The following WDFY2 variants were observed in gnomAD, a reference collection of about 807,000 sequenced individuals.
WDFY2 encodes the protein WD repeat and FYVE domain containing 2, also known as WD repeat and FYVE domain-containing protein 2.
A neutral mutation model predicts 56.4 loss-of-function variants in WDFY2; 36 were observed. That is an observed-to-expected ratio of 0.64 (90% CI 0.49 to 0.84). The LOEUF (loss-of-function observed/expected upper bound fraction) is 0.84. Among genes scored for constraint, WDFY2 ranks in the 40% least tolerant of loss-of-function variants. The pLI is 0.00. For synonymous variants in WDFY2, 176 were observed against 183.7 expected, an observed-to-expected ratio of 0.96 and a Z score of 0.34; for missense variants, 444 against 512.2, an observed-to-expected ratio of 0.87 and a Z score of 1.29.
intron 7 of WDFY2, among the ~76,000 whole-genome samples, chr13:51,748,787 A>G (rs1021198227): frequency 4.6e-5 from 7 of 152,214 alleles, no homozygotes; most frequent in Non-Finnish European, 2.9e-5. Context: ...CAAGCCATCA[A>G]AACTGAGGGA....
At chr13:51,647,509 C>T (rs562479274) in intron 1 of WDFY2, among the ~76,000 whole-genome samples, 3 of 152,296 alleles carry the variant, frequency 2.0e-5, no homozygotes, top group Admixed American at 1.3e-4. Flanking sequence ...AATCCCAGCT[C>T]TTTGGGAGGC....
At chr13:51,738,689 G>A (rs556472364) in intron 6 of WDFY2, among the ~76,000 whole-genome samples, 1 of 152,304 alleles carries the variant, frequency 6.6e-6, no homozygotes, top group East Asian at 1.9e-4. Context: ...ATTGTCAGGG[G>A]TGGGAGGCAG....
chr13:51,700,698 G>A (rs1951964990), intron 3 of WDFY2, among the ~76,000 whole-genome samples: 1 of 152,238 alleles, frequency 6.6e-6, no homozygotes, highest in South Asian at 2.1e-4. Flanking sequence ...AGGCGTGGTG[G>A]CTCATGCCTG....
chr13:51,765,913 A>G lies in WDFY2; in HGVS notation c.*6144A>G, dbSNP rs1471659387. ...ATCTGACTTTCTTGGAAGTGTCAAG[A>G]ATTGCAGGTTGGCTGAAAAGTTAGA... On this transcript the variant is annotated 3_prime_UTR_variant, in exon 12 of 12. Transcript: ENST00000298125. 1 of 152,168 alleles carries G rather than the reference A, an allele frequency of 6.6e-6. No homozygotes were observed. Among genetic ancestry groups the G allele is most frequent in the Non-Finnish European group, 1.5e-5 (1 of 68,030 alleles). 9.4% of individuals were successfully genotyped at this position (152,168 alleles called of 1,614,324 possible). A position where few individuals can be genotyped will look rare whatever the true frequency, so the allele number is the denominator to read the frequency against.
intron 1 of WDFY2, among the ~76,000 whole-genome samples, chr13:51,600,590 C>T (rs1954255794): frequency 6.6e-6 from 1 of 152,158 alleles, no homozygotes; most frequent in African/African-American, 2.4e-5. Context: ...TGCGGAATTC[C>T]TTGGGAAGGA....
intron 6 of WDFY2, among the ~76,000 whole-genome samples, chr13:51,734,266 A>G (rs930699613): frequency 2.0e-5 from 3 of 152,188 alleles, no homozygotes; most frequent in Admixed American, 2.0e-4. Context: ...TTGGTAATAT[A>G]TATTAAATTT....
chr13:51,708,581 TA>T (rs71085095), intron 4 of WDFY2, among the ~76,000 whole-genome samples: 45,524 of 144,558 alleles, frequency 0.31, 8,508 homozygotes, highest in Middle Eastern at 0.49. Flanking sequence ...CCCAATTAAT[TA>T]AAAAAAAAAA....
At chr13:51,671,063 A>G (rs1297939978) in intron 2 of WDFY2, among the ~76,000 whole-genome samples, 1 of 151,944 alleles carries the variant, frequency 6.6e-6, no homozygotes, top group Non-Finnish European at 1.5e-5. Context: ...TTACTTTTTT[A>G]TGGCTGAGTA....
chr13:51,628,385 G>A (rs1002863781), intron 1 of WDFY2, among the ~76,000 whole-genome samples: 5 of 152,252 alleles, frequency 3.3e-5, no homozygotes, highest in Admixed American at 1.3e-4. Context: ...CGGACGCCAG[G>A]AGGTGGGAGA....
intron 1 of WDFY2, among the ~76,000 whole-genome samples, chr13:51,650,502 G>A (rs1955355146): frequency 6.6e-6 from 1 of 152,182 alleles, no homozygotes; most frequent in South Asian, 2.1e-4. Flanking sequence ...AGTTTTCAAA[G>A]GGAATGCTTC....
At chr13:51,617,646 G>A (rs1035481662) in intron 1 of WDFY2, among the ~76,000 whole-genome samples, 5 of 152,120 alleles carry the variant, frequency 3.3e-5, no homozygotes, top group African/African-American at 1.2e-4. Context: ...CAGGCCTTCA[G>A]ATTCCTTAGG....
At chr13:51,735,696 AT>A (rs1469079373) in intron 6 of WDFY2, among the ~76,000 whole-genome samples, 4 of 152,218 alleles carry the variant, frequency 2.6e-5, no homozygotes, top group Non-Finnish European at 5.9e-5. Flanking sequence ...GGCTCAATAC[AT>A]GCTTGTTGAA....
chr13:51,703,351 A>G (rs1343088584), intron 3 of WDFY2, among the ~76,000 whole-genome samples: 1 of 152,206 alleles, frequency 6.6e-6, no homozygotes, highest in African/African-American at 2.4e-5. Flanking sequence ...TGCTGAACTG[A>G]TCTGGTTTTC....
intron 3 of WDFY2, among the ~76,000 whole-genome samples, chr13:51,693,636 G>A (rs1461208720): frequency 7.2e-5 from 11 of 151,878 alleles, no homozygotes; most frequent in African/African-American, 2.7e-4. Flanking sequence ...GTGTGGTGTG[G>A]TGCTGAAAAA....
chr13:51,710,845 T>C (rs1169282339), intron 4 of WDFY2, among the ~76,000 whole-genome samples: 1 of 152,138 alleles, frequency 6.6e-6, no homozygotes, highest in Non-Finnish European at 1.5e-5. Context: ...ATCAATATCA[T>C]GAAAATGGCC....
intron 7 of WDFY2, among the ~76,000 whole-genome samples, chr13:51,749,855 A>G (rs754590296): frequency 6.6e-6 from 1 of 152,202 alleles, no homozygotes; most frequent in African/African-American, 2.4e-5. Context: ...GATACGCTAC[A>G]AAACATAATT....
At chr13:51,712,167 A>C (rs1952235079) in intron 4 of WDFY2, among the ~76,000 whole-genome samples, 1 of 152,224 alleles carries the variant, frequency 6.6e-6, no homozygotes, top group Non-Finnish European at 1.5e-5. Context: ...TGAAGCTGGA[A>C]ACCATCATTC....
chr13:51,604,020 C>T (rs1166051578), intron 1 of WDFY2, among the ~76,000 whole-genome samples: 16 of 152,112 alleles, frequency 1.1e-4, no homozygotes, highest in African/African-American at 3.6e-4. Context: ...TGTAGGAATG[C>T]GGACCCAGTG....
Position 51,584,528 on chromosome 13 carries a change from G to A in WDFY2, c.-160G>A. The stretch of plus-strand genomic sequence containing the variant: ...TGCCTGAAGCAGGGAGCGCGGAGTC[G>A]TTCCCGAGAGAGGCGGCCAGGCTAT... On this transcript the variant is annotated 5_prime_UTR_variant, in exon 1 of 12. Transcript: ENST00000298125. The A allele has an allele frequency of 2.9e-6, 3 of 1,038,230 alleles. No homozygotes were observed. The highest frequency in any genetic ancestry group is 3.0e-5 in the Admixed American group (1 of 33,438). The allele number at this position is 1,038,230 out of a possible 1,614,324, so 64.3% of individuals were successfully genotyped here.
Sources: gnomAD v4.1 joint callset for allele counts (sites outside exome capture counted in the v4.1 genomes callset) on GRCh38, gnomAD v4.1.1 for gene constraint, MANE v1.5 for transcripts, NCBI Gene and HGNC (gene_info 2026-07-23, HGNC 2026-07-21) for gene names.